The following LPP variants were observed in gnomAD, a reference collection of about 807,000 sequenced individuals.
The protein encoded by LPP is lipoma-preferred partner.
LPP carries 38 observed loss-of-function variants against 60.4 expected under a neutral mutation model. That is an observed-to-expected ratio of 0.63 (90% confidence interval 0.49 to 0.83). LPP has a LOEUF of 0.83. LPP is among the 40% of genes least tolerant of loss of function. The pLI is 0.00. For synonymous variants in LPP, 328 were observed against 290.8 expected, an observed-to-expected ratio of 1.13 and a Z score of -1.30; for missense variants, 902 against 783.6, an observed-to-expected ratio of 1.15 and a Z score of -1.80.
In LPP at chr3:188,272,839, CT is replaced by C. The variant is rs1308584508; in HGVS notation, c.-67+47315del. On this transcript the variant is annotated intron_variant, in intron 2 of 11. Coordinates refer to ENST00000617246, the MANE Select transcript of LPP (RefSeq NM_001375462.1). ...AATAATTTGTTGACTATGACTAATCCTTTGGGGAGTATGATATGTGACATAG... is the reference window on the plus strand; with the variant it reads ...AATAATTTGTTGACTATGACTAATCCTTGGGGAGTATGATATGTGACATAG... Among the ~76,000 whole-genome samples, 3 of 152,250 alleles carry C rather than the reference CT, an allele frequency of 2.0e-5. No homozygotes were observed. In the East Asian group the frequency reaches 5.8e-4, roughly 29 times the overall value.
At chr3:188,682,964 A>G (rs1213915148) in intron 7 of LPP, among the ~76,000 whole-genome samples, 3 of 152,162 alleles carry the variant, frequency 2.0e-5, no homozygotes, top group Admixed American at 6.5e-5. Context: ...TTTTTCCTAT[A>G]TTTTAAAACA....
chr3:188,650,336 G>A (rs1431850128), intron 7 of LPP, among the ~76,000 whole-genome samples: 5 of 152,098 alleles, frequency 3.3e-5, no homozygotes, highest in Non-Finnish European at 7.4e-5. Context: ...TTTTTTGTGA[G>A]CCAGAATCCC....
intron 1 of LPP, among the ~76,000 whole-genome samples, chr3:188,203,469 T>TTAAATATATATAAATATATATA (rs1731853895): frequency 1.2e-5 from 1 of 85,212 alleles, no homozygotes; most frequent in Non-Finnish European, 2.0e-5. Flanking sequence ...ATATATATAT[T>TTAAATATATATAAATATATATA]TTTAAATATA....
chr3:188,448,864 C>T (rs1372069377), intron 4 of LPP, among the ~76,000 whole-genome samples: 1 of 152,156 alleles, frequency 6.6e-6, no homozygotes, highest in Non-Finnish European at 1.5e-5. Context: ...TTGGAATTTA[C>T]CTGGTTTAGA....
intron 4 of LPP, among the ~76,000 whole-genome samples, chr3:188,412,098 G>A (rs1785046521): frequency 1.3e-5 from 2 of 152,036 alleles, no homozygotes; most frequent in African/African-American, 4.8e-5. Context: ...AGCTGGAGTT[G>A]TCTTGTGGCC....
intron 9 of LPP, among the ~76,000 whole-genome samples, chr3:188,794,718 C>A (rs1316157638): frequency 1.3e-5 from 2 of 152,102 alleles, no homozygotes; most frequent in East Asian, 3.9e-4. Flanking sequence ...GAGGCAGAGA[C>A]CATGACAAAG....
chr3:188,569,444 C>CA (rs1191582404), intron 6 of LPP, among the ~76,000 whole-genome samples: 1 of 151,922 alleles, frequency 6.6e-6, no homozygotes, highest in East Asian at 1.9e-4. Flanking sequence ...TGCTTATCTA[C>CA]AAAGAATTTT....
At chr3:188,189,485 G>C (rs1009675255) in intron 1 of LPP, among the ~76,000 whole-genome samples, 1 of 152,098 alleles carries the variant, frequency 6.6e-6, no homozygotes, top group Admixed American at 6.5e-5. Flanking sequence ...TGATATTTGA[G>C]GAATTTGGAA....
At chr3:188,420,291 T>A (rs1241085374) in intron 4 of LPP, among the ~76,000 whole-genome samples, 2 of 152,204 alleles carry the variant, frequency 1.3e-5, no homozygotes, top group African/African-American at 4.8e-5. Context: ...AGAATTACTT[T>A]ACTTGAACTT....
chr3:188,204,616 G>T (rs183235172), intron 1 of LPP, among the ~76,000 whole-genome samples: 30 of 152,282 alleles, frequency 2.0e-4, no homozygotes, highest in African/African-American at 6.7e-4. Flanking sequence ...ATATCTTAGT[G>T]AGGGGGAAGG....
chr3:188,513,568 A>T (rs1315214153), intron 5 of LPP, among the ~76,000 whole-genome samples: 1 of 151,964 alleles, frequency 6.6e-6, no homozygotes, highest in Admixed American at 6.6e-5. Context: ...ATTGTTCCTT[A>T]TTATTATCTA....
intron 6 of LPP, among the ~76,000 whole-genome samples, chr3:188,559,113 A>C (rs543983706): frequency 6.6e-6 from 1 of 152,112 alleles, no homozygotes; most frequent in East Asian, 1.9e-4. Context: ...CAGATGTAAC[A>C]TGAGGGAGCT....
At chr3:188,457,439 AT>A (rs1376891455) in intron 4 of LPP, among the ~76,000 whole-genome samples, 1 of 152,132 alleles carries the variant, frequency 6.6e-6, no homozygotes, top group Non-Finnish European at 1.5e-5. Context: ...AGAAAGGAAA[AT>A]CCATTAAAAT....
At position 188,863,939 on chromosome 3, in the gene LPP, C is replaced by T. The variant is rs145542427; in HGVS notation, c.1411-2261C>T. 2.3e-3 allele frequency among the ~76,000 whole-genome samples: 334 copies of T among 147,122 alleles called. 2 individuals are homozygous for T. Among genetic ancestry groups the T allele is most frequent in the African/African-American group, 8.1e-3 (323 of 39,864 alleles). ...CCAAACATTTTCTGGTTATTCAACT[C>T]CATTACAGGGCTGACTAAAAAAAAA... is the stretch of plus-strand genomic sequence containing the variant. On this transcript the variant is annotated intron_variant, in intron 9 of 11. Coordinates refer to ENST00000617246, the MANE Select transcript of LPP (RefSeq NM_001375462.1).
chr3:188,558,907 T>G (rs1830067063), intron 6 of LPP, among the ~76,000 whole-genome samples: 1 of 152,150 alleles, frequency 6.6e-6, no homozygotes. Flanking sequence ...ACTGCTTTTG[T>G]TCTATTTTGA....
At chr3:188,840,807 C>T (rs1412489849) in intron 9 of LPP, among the ~76,000 whole-genome samples, 1 of 152,192 alleles carries the variant, frequency 6.6e-6, no homozygotes, top group African/African-American at 2.4e-5. Flanking sequence ...TGTGAAATTA[C>T]ATATGCCAGT....
intron 4 of LPP, among the ~76,000 whole-genome samples, chr3:188,420,277 A>T (rs970670912): frequency 2.6e-5 from 4 of 152,184 alleles, no homozygotes; most frequent in Non-Finnish European, 5.9e-5. Context: ...CCTTTGTTAG[A>T]AGTAGAATTA....
chr3:188,288,824 C>A (rs1409808301), intron 2 of LPP, among the ~76,000 whole-genome samples: 24 of 63,330 alleles, frequency 3.8e-4, no homozygotes, highest in African/African-American at 1.6e-3. Flanking sequence ...CCCCACCCCC[C>A]ACCCCCACCC....
chr3:188,754,057 A>C (rs921479951), intron 8 of LPP, among the ~76,000 whole-genome samples: 2 of 152,230 alleles, frequency 1.3e-5, no homozygotes, highest in Admixed American at 6.5e-5. Context: ...AATAGTGAGA[A>C]CTCAGTTTGA....
Sources: gnomAD v4.1 joint callset for allele counts (sites outside exome capture counted in the v4.1 genomes callset) on GRCh38, gnomAD v4.1.1 for gene constraint, MANE v1.5 for transcripts, NCBI Gene and HGNC (gene_info 2026-07-23, HGNC 2026-07-21) for gene names.